The following CYFIP1 variants were observed in gnomAD, a reference collection of about 807,000 sequenced individuals.
CYFIP1 encodes the protein cytoplasmic FMR1-interacting protein 1.
CYFIP1 carries 58 observed loss-of-function variants against 163.5 expected under a neutral mutation model. That is an observed-to-expected ratio of 0.35 (90% CI 0.29 to 0.44). The LOEUF (loss-of-function observed/expected upper bound fraction) is 0.44, where lower values mean the gene tolerates loss of function less well. Ranked by LOEUF, CYFIP1 falls within the 20% of genes least tolerant of loss-of-function variation. The pLI, the probability that CYFIP1 is intolerant of heterozygous loss-of-function variation, is 1.00. For synonymous variants in CYFIP1, 663 were observed against 660.7 expected (o/e 1.00, Z -0.05); for missense variants, 1,338 against 1,653.8 (o/e 0.81, Z 3.31).
At chr15:22,871,353 A>G (rs1466635305) in intron 30 of CYFIP1, among the ~76,000 whole-genome samples, 1 of 152,278 alleles carries the variant, frequency 6.6e-6, no homozygotes, top group Non-Finnish European at 1.5e-5. Flanking sequence ...ACTGTCAGTT[A>G]CCAAGAAGAT....
intron 1 of CYFIP1, among the ~76,000 whole-genome samples, chr15:22,961,312 G>A (rs555370410): frequency 1.3e-5 from 2 of 152,252 alleles, no homozygotes; most frequent in African/African-American, 4.8e-5. Context: ...ATGAGCCACT[G>A]TGCCTGGCCT....
chr15:22,907,263 G>A (rs1170077641), intron 21 of CYFIP1, among the ~76,000 whole-genome samples: 1 of 152,130 alleles, frequency 6.6e-6, no homozygotes, highest in Non-Finnish European at 1.5e-5. Context: ...CACCAGCCTG[G>A]GCTCCTTGAC....
intron 16 of CYFIP1, 36 bp downstream of exon 16, chr15:22,916,441 A>G (rs1414129065): frequency 6.7e-7 from 1 of 1,493,776 alleles, no homozygotes; most frequent in Non-Finnish European, 9.2e-7. Context: ...GTGTTAGGAC[A>G]TGCCAGGCCG....
chr15:22,895,675 T>TG (rs976181981), intron 22 of CYFIP1, among the ~76,000 whole-genome samples: 1 of 152,128 alleles, frequency 6.6e-6, no homozygotes, highest in African/African-American at 2.4e-5. Context: ...AAAGACAGCA[T>TG]GGGGTTAGAG....
intron 16 of CYFIP1, chr15:22,915,109 T>A (rs182941124): frequency 4.8e-6 from 2 of 415,574 alleles, no homozygotes; most frequent in Admixed American, 4.3e-5. Context: ...AGCCCTTCAG[T>A]GGGATCCAGG....
chr15:22,970,848 G>A (rs922403113), intron 1 of CYFIP1, among the ~76,000 whole-genome samples: 2 of 151,412 alleles, frequency 1.3e-5, no homozygotes, highest in African/African-American at 2.4e-5. Flanking sequence ...AGGCCGAGTC[G>A]GGCAGATCAC....
At chr15:22,915,369 C>T (rs1045213338) in intron 16 of CYFIP1, among the ~76,000 whole-genome samples, 4 of 152,014 alleles carry the variant, frequency 2.6e-5, no homozygotes, top group Non-Finnish European at 4.4e-5. Flanking sequence ...AAGTGATTCT[C>T]CTGCCTTGGC....
chr15:22,919,348 T>C (rs2061101901), intron 13 of CYFIP1, among the ~76,000 whole-genome samples: 1 of 152,214 alleles, frequency 6.6e-6, no homozygotes, highest in Admixed American at 6.5e-5. Context: ...AGAAAAATGG[T>C]GCCAGGGCTC....
rs866100865 is a variant in CYFIP1 at position 22,934,177 on chromosome 15, C to T, written c.901-284G>A. 2.0e-3 allele frequency among the ~76,000 whole-genome samples: 132 copies of T among 66,026 alleles called. 1 individual carries two copies. The highest frequency in any genetic ancestry group is 0.026 in the Middle Eastern group (2 of 76). 43.3% of individuals were successfully genotyped at this position (66,026 alleles called of 152,430 possible). A position where few individuals can be genotyped will look rare whatever the true frequency, so the allele number is the denominator to read the frequency against. On this transcript the variant is annotated intron_variant, in intron 9 of 30. Transcript: ENST00000617928. ...AAAAAAAAAATCACTGCATTTCTTT[C>T]TTTTTTTTTTTTTTTTTTTTTTTTT...
intron 1 of CYFIP1, among the ~76,000 whole-genome samples, chr15:22,957,498 TGG>T (rs2062512260): frequency 6.6e-6 from 1 of 152,116 alleles, no homozygotes. Context: ...TAGCCAGGCA[TGG>T]TGGCGGGCGC....
intron 30 of CYFIP1, 125 bp from the exon 31 acceptor site, chr15:22,870,317 T>G: frequency 8.4e-7 from 1 of 1,190,800 alleles, no homozygotes. Context: ...ACACACATAC[T>G]GTTCTTTTTG....
chr15:22,933,942 C>T, intron 9 of CYFIP1, 49 bp from the exon 10 acceptor site: 1 of 1,335,820 alleles, frequency 7.5e-7, no homozygotes, highest in Non-Finnish European at 1.1e-6. Context: ...ATTTAGTCAC[C>T]AAATACATAA....
In CYFIP1 at chr15:22,966,298, G is replaced by A. The variant is rs996955466; in HGVS notation, c.-7+13989C>T. ...TGAGGCAGGAGAATCGCTCGAACCC[G>A]GGAGGCAGAGGTTGCGGTGGGCCCA... is the stretch of plus-strand genomic sequence containing the variant. On this transcript the variant is annotated intron_variant, in intron 1 of 30. Transcript: ENST00000617928. 3.3e-5 allele frequency among the ~76,000 whole-genome samples: 5 copies of A among 151,828 alleles called. No homozygotes were observed. The South Asian group carries it at 1.0e-3, about 32-fold the overall frequency.
intron 11 of CYFIP1, among the ~76,000 whole-genome samples, chr15:22,930,525 C>T (rs1566988737): frequency 6.6e-6 from 1 of 152,042 alleles, no homozygotes; most frequent in African/African-American, 2.4e-5. Flanking sequence ...TGATGGTGCT[C>T]CCATAAAATC....
At chr15:22,942,100 T>G (rs773155738) in intron 6 of CYFIP1, among the ~76,000 whole-genome samples, 51 of 152,224 alleles carry the variant, frequency 3.4e-4, no homozygotes, top group Non-Finnish European at 6.9e-4. Context: ...TAGACTTCTG[T>G]GCAGAGCTGA....
Position 22,875,213 on chromosome 15 carries a change from C to CG in CYFIP1, c.3100dup (p.Arg1034ProfsTer11). ...AGCAGGCTCACCTTTCACATGGACT[C>CG]GCGGCAAGATGTTCTGGAAAGGAGC... is the stretch of plus-strand genomic sequence containing the variant. On this transcript the variant is annotated frameshift_variant, in exon 27 of 31. Coordinates refer to ENST00000617928, the MANE Select transcript of CYFIP1 (RefSeq NM_014608.6). LOFTEE classifies it high-confidence loss of function. 1 of 1,613,966 alleles carries CG rather than the reference C, an allele frequency of 6.2e-7. No homozygotes were observed. Among genetic ancestry groups the CG allele is most frequent in the Non-Finnish European group, 8.5e-7 (1 of 1,179,964 alleles).
chr15:22,977,196 T>C (rs2063310368), intron 1 of CYFIP1, among the ~76,000 whole-genome samples: 1 of 151,116 alleles, frequency 6.6e-6, no homozygotes, highest in Non-Finnish European at 1.5e-5. Context: ...TGAAACTCTG[T>C]CTCAAAAAAA....
chr15:22,891,174 G>A (rs1353156363), intron 23 of CYFIP1, among the ~76,000 whole-genome samples: 1 of 151,910 alleles, frequency 6.6e-6, no homozygotes, highest in African/African-American at 2.4e-5. Flanking sequence ...CCTGTAATCC[G>A]AGCACTTTGG....
chr15:22,952,532 G>A (rs1330460117), intron 1 of CYFIP1, among the ~76,000 whole-genome samples: 1 of 151,606 alleles, frequency 6.6e-6, no homozygotes, highest in African/African-American at 2.4e-5. Context: ...ACAGGTGCCT[G>A]TAATCCCAGC....
Sources: gnomAD v4.1 joint callset for allele counts (sites outside exome capture counted in the v4.1 genomes callset) on GRCh38, gnomAD v4.1.1 for gene constraint, MANE v1.5 for transcripts, NCBI Gene and HGNC (gene_info 2026-07-23, HGNC 2026-07-21) for gene names.